Variants in SCHIP1 observed in about 807,000 individuals in gnomAD.
SCHIP1 encodes schwannomin-interacting protein 1.
SCHIP1 carries 8 observed loss-of-function variants against 29.7 expected under a neutral mutation model. The observed-to-expected ratio is 0.27, with a 90% CI of 0.16 to 0.49. The LOEUF (loss-of-function observed/expected upper bound fraction) is 0.49, where lower values mean the gene tolerates loss of function less well. SCHIP1 is among the 20% of genes least tolerant of loss of function. The probability of loss-of-function intolerance (pLI) is 0.99; values close to 1 mark genes in which losing one functional copy is unlikely to be tolerated. For synonymous variants in SCHIP1, 76 were observed against 94.9 expected (o/e 0.80, Z 1.16); for missense variants, 193 against 294.6 (o/e 0.66, Z 2.52).
At chr3:159,647,724 T>C in the SCHIP1 span, among the ~76,000 whole-genome samples, 1 of 152,192 alleles carries the variant, frequency 6.6e-6, no homozygotes, top group Non-Finnish European at 1.5e-5. Context: ...CCACTGTTCA[T>C]TTTCCTTCAT....
the SCHIP1 span, among the ~76,000 whole-genome samples, chr3:159,321,169 C>T: frequency 5.3e-5 from 8 of 152,056 alleles, no homozygotes; most frequent in Non-Finnish European, 7.4e-5. Flanking sequence ...TTCACCACGT[C>T]GGCCCGGCTG....
chr3:159,309,515 G>A, the SCHIP1 span, among the ~76,000 whole-genome samples: 7 of 152,214 alleles, frequency 4.6e-5, no homozygotes, highest in Admixed American at 3.3e-4. Context: ...CATGCTATAT[G>A]GGTATGCAGA....
the SCHIP1 span, among the ~76,000 whole-genome samples, chr3:159,393,285 T>C: frequency 2.0e-5 from 3 of 152,206 alleles, no homozygotes; most frequent in Admixed American, 2.0e-4. Context: ...CTGATGGTAG[T>C]TTCTTTTGCT....
At chr3:159,490,003 T>C in the SCHIP1 span, among the ~76,000 whole-genome samples, 3 of 152,176 alleles carry the variant, frequency 2.0e-5, no homozygotes, top group African/African-American at 7.2e-5. Flanking sequence ...AAGAAGGTCC[T>C]CAGCATTTTG....
chr3:159,534,653 C>G, the SCHIP1 span, among the ~76,000 whole-genome samples: 2 of 152,092 alleles, frequency 1.3e-5, no homozygotes, highest in African/African-American at 4.8e-5. Flanking sequence ...CTTCCTGACA[C>G]GTTCCACTGA....
In SCHIP1 at chr3:159,857,019, A is replaced by G. The variant is rs116212445; in HGVS notation, c.31-9144A>G. On this transcript the variant is annotated intron_variant, in intron 1 of 6. Transcript: ENST00000445224. ...TTGAAGAACCATGTTAAGTTACCGA[A>G]GCCTGGGACCTAGCCCCACCTCAGC... Among the ~76,000 whole-genome samples the G allele has an allele frequency of 1.6e-3, 246 of 152,254 alleles. 1 individual carries two copies. Among genetic ancestry groups the G allele is most frequent in the Non-Finnish European group, 2.8e-3 (193 of 68,020 alleles).
chr3:159,741,349 G>C, the SCHIP1 span, among the ~76,000 whole-genome samples: 1 of 152,166 alleles, frequency 6.6e-6, no homozygotes, highest in Non-Finnish European at 1.5e-5. Context: ...GTAATTTTCA[G>C]ACATCACAGT....
At chr3:159,556,795 C>A in the SCHIP1 span, among the ~76,000 whole-genome samples, 2 of 148,094 alleles carry the variant, frequency 1.4e-5, no homozygotes. Context: ...GGAGGGATAG[C>A]ATTAGGAGAT....
At chr3:159,654,391 A>G in the SCHIP1 span, among the ~76,000 whole-genome samples, 2 of 152,122 alleles carry the variant, frequency 1.3e-5, no homozygotes, top group Admixed American at 6.6e-5. Flanking sequence ...TTGCTGAGTC[A>G]CCTTGGACTT....
the SCHIP1 span, among the ~76,000 whole-genome samples, chr3:159,443,409 A>G: frequency 1.3e-5 from 2 of 152,202 alleles, no homozygotes; most frequent in African/African-American, 2.4e-5. Flanking sequence ...CAGTGGAGCC[A>G]ATCACTTTTC....
chr3:159,630,360 T>G, the SCHIP1 span, among the ~76,000 whole-genome samples: 5 of 152,190 alleles, frequency 3.3e-5, no homozygotes, highest in East Asian at 9.7e-4. Context: ...CAATCCAATT[T>G]TTAAATGGGC....
chr3:159,715,941 A>G, the SCHIP1 span, among the ~76,000 whole-genome samples: 1 of 152,210 alleles, frequency 6.6e-6, no homozygotes, highest in Non-Finnish European at 1.5e-5. Context: ...TCCAAGACAC[A>G]TAATTGTCAG....
the SCHIP1 span, among the ~76,000 whole-genome samples, chr3:159,588,315 TG>T: frequency 5.0e-3 from 758 of 151,868 alleles, 2 homozygotes; most frequent in East Asian, 0.025. Context: ...TGAATGAGGT[TG>T]TTTTTTTTCT....
At chr3:159,421,966 A>C in the SCHIP1 span, among the ~76,000 whole-genome samples, 1 of 152,222 alleles carries the variant, frequency 6.6e-6, no homozygotes, top group African/African-American at 2.4e-5. Context: ...AAGTTAAGTG[A>C]AAAAAACTTA....
chr3:159,356,215 A>G, the SCHIP1 span, among the ~76,000 whole-genome samples: 1 of 152,202 alleles, frequency 6.6e-6, no homozygotes, highest in African/African-American at 2.4e-5. Flanking sequence ...TAATAAAAAA[A>G]AAAAGAAAAA....
intron 1 of SCHIP1, among the ~76,000 whole-genome samples, chr3:159,849,727 G>T (rs1712329179): frequency 6.6e-6 from 1 of 152,208 alleles, no homozygotes; most frequent in South Asian, 2.1e-4. Flanking sequence ...GAGCATCCAG[G>T]TGGGGTGTGG....
the SCHIP1 span, among the ~76,000 whole-genome samples, chr3:159,281,633 A>C: frequency 6.6e-6 from 1 of 152,192 alleles, no homozygotes; most frequent in Non-Finnish European, 1.5e-5. Flanking sequence ...CTAATTTATC[A>C]AAAACTGACA....
At chr3:159,273,763 G>T in the SCHIP1 span, 11 of 1,600,784 alleles carry the variant, frequency 6.9e-6, no homozygotes, top group Non-Finnish European at 9.4e-6. Flanking sequence ...TTCTTTCAAA[G>T]CCAATTTGAA....
intron 2 of SCHIP1, 30 bp downstream of exon 3, chr3:159,866,311 T>C: frequency 6.3e-7 from 1 of 1,591,530 alleles, no homozygotes; most frequent in Non-Finnish European, 8.6e-7. Context: ...GAATTTCTGA[T>C]ATGTACACAG....
Sources: allele counts gnomAD v4.1 joint callset (sites outside exome capture counted in the v4.1 genomes callset), GRCh38; gene constraint gnomAD v4.1.1; transcripts MANE v1.5; gene names NCBI Gene and HGNC (gene_info 2026-07-23, HGNC 2026-07-21).